The following NALF1 variants were observed in gnomAD, a reference collection of about 807,000 sequenced individuals.
The protein encoded by NALF1 is family with sequence similarity 155 member A.
A neutral mutation model predicts 48.4 loss-of-function variants in NALF1; 3 were observed. That is an observed-to-expected ratio of 0.06 (90% CI 0.03 to 0.16). The LOEUF is 0.16. Ranked by LOEUF, NALF1 falls within the 10% of genes least tolerant of loss-of-function variation. The pLI, the probability that NALF1 is intolerant of heterozygous loss-of-function variation, is 1.00. For missense variants in NALF1, 526 were observed against 571.5 expected, an observed-to-expected ratio of 0.92 and a Z score of 0.81; for synonymous variants, 262 against 245.7, an observed-to-expected ratio of 1.07 and a Z score of -0.62.
At chr13:107,738,327 T>A (rs1876525503) in intron 1 of NALF1, among the ~76,000 whole-genome samples, 1 of 152,202 alleles carries the variant, frequency 6.6e-6, no homozygotes, top group Non-Finnish European at 1.5e-5. Context: ...CACTTCCTGT[T>A]CTAAGTGGCA....
At chr13:107,305,843 A>C (rs1881926394) in intron 1 of NALF1, among the ~76,000 whole-genome samples, 1 of 152,232 alleles carries the variant, frequency 6.6e-6, no homozygotes, top group Admixed American at 6.5e-5. Flanking sequence ...CTGACTCTGG[A>C]GGTTGAGGAC....
chr13:107,665,748 G>A (rs549633684), intron 1 of NALF1, among the ~76,000 whole-genome samples: 10 of 151,742 alleles, frequency 6.6e-5, no homozygotes, highest in African/African-American at 1.7e-4. Context: ...AAGGGACACC[G>A]AATAATATGA....
chr13:107,473,204 CT>C (rs994688823), intron 1 of NALF1, among the ~76,000 whole-genome samples: 19 of 152,268 alleles, frequency 1.2e-4, no homozygotes, highest in African/African-American at 4.6e-4. Flanking sequence ...ACTGACTGAT[CT>C]TTTTCATGAG....
chr13:107,765,441 A>G (rs1032077695), intron 1 of NALF1, among the ~76,000 whole-genome samples: 2 of 152,206 alleles, frequency 1.3e-5, no homozygotes, highest in African/African-American at 2.4e-5. Context: ...ATAGAGTTAT[A>G]TAAGTAACAG....
intron 1 of NALF1, among the ~76,000 whole-genome samples, chr13:107,259,595 C>T (rs540086274): frequency 1.3e-5 from 2 of 152,246 alleles, no homozygotes; most frequent in African/African-American, 4.8e-5. Flanking sequence ...AGGGAATGAA[C>T]AAATCAGTAG....
intron 1 of NALF1, among the ~76,000 whole-genome samples, chr13:107,826,556 T>C (rs1323552503): frequency 6.6e-5 from 10 of 152,212 alleles, no homozygotes; most frequent in Admixed American, 6.5e-4. Flanking sequence ...TGAAAAGTTA[T>C]TTTTTAGAAA....
At chr13:107,847,993 C>A (rs995325931) in intron 1 of NALF1, among the ~76,000 whole-genome samples, 1 of 152,152 alleles carries the variant, frequency 6.6e-6, no homozygotes, top group Non-Finnish European at 1.5e-5. Flanking sequence ...TAATATTATT[C>A]CACTTTTGAA....
chr13:107,663,589 C>G (rs1451972945), intron 1 of NALF1, among the ~76,000 whole-genome samples: 1 of 152,044 alleles, frequency 6.6e-6, no homozygotes, highest in Non-Finnish European at 1.5e-5. Context: ...TATCTCATAC[C>G]ACAGTTAAAC....
At chr13:107,387,702 G>A (rs1240520789) in intron 1 of NALF1, among the ~76,000 whole-genome samples, 1 of 152,208 alleles carries the variant, frequency 6.6e-6, no homozygotes, top group Non-Finnish European at 1.5e-5. Flanking sequence ...GAGTCAGACT[G>A]CATGCAAGAG....
intron 2 of NALF1, among the ~76,000 whole-genome samples, chr13:107,201,781 A>G (rs1338003519): frequency 6.6e-6 from 1 of 152,128 alleles, no homozygotes; most frequent in East Asian, 1.9e-4. Context: ...AGACTAAAAC[A>G]TGGCAAATGT....
At chr13:107,176,737 GTAAGTAGAGATAAATACT>G (rs1878947179) in intron 2 of NALF1, among the ~76,000 whole-genome samples, 1 of 152,058 alleles carries the variant, frequency 6.6e-6, no homozygotes, top group African/African-American at 2.4e-5. Context: ...TACTCATGTT[GTAAGTAGAGATAAATACT>G]AAAATCAGAA....
intron 1 of NALF1, among the ~76,000 whole-genome samples, chr13:107,651,131 G>GT (rs5806673): frequency 0.68 from 102,592 of 151,984 alleles, 34,808 homozygotes; most frequent in East Asian, 0.79. Flanking sequence ...TTTGTTTAAT[G>GT]ATGAGATAAA....
intron 1 of NALF1, among the ~76,000 whole-genome samples, chr13:107,602,561 T>A (rs1594153960): frequency 6.6e-6 from 1 of 152,228 alleles, no homozygotes; most frequent in Non-Finnish European, 1.5e-5. Context: ...GGTATTTATA[T>A]CATGGTGACA....
chr13:107,342,658 G>A (rs997261384), intron 1 of NALF1, among the ~76,000 whole-genome samples: 28 of 152,136 alleles, frequency 1.8e-4, no homozygotes, highest in Admixed American at 1.8e-3. Flanking sequence ...GTGTACAATT[G>A]AAGTTAAGTT....
intron 1 of NALF1, among the ~76,000 whole-genome samples, chr13:107,856,015 T>TCC (rs4000621): frequency 0.81 from 122,820 of 151,786 alleles, 49,899 homozygotes; most frequent in Non-Finnish European, 0.84. Flanking sequence ...TCCAATGACT[T>TCC]CACCTCAGCC....
chr13:107,219,366 C>T (rs1879944434), intron 1 of NALF1, among the ~76,000 whole-genome samples: 1 of 152,128 alleles, frequency 6.6e-6, no homozygotes. Flanking sequence ...TCTAAAAAGG[C>T]AGCAAGTGAA....
chr13:107,657,338 C>T (rs1054055095), intron 1 of NALF1, among the ~76,000 whole-genome samples: 5 of 151,904 alleles, frequency 3.3e-5, no homozygotes, highest in Admixed American at 2.6e-4. Context: ...TACTTATTTC[C>T]CCCTAACCAG....
chr13:107,203,665 A>G (rs1879570874), intron 2 of NALF1, among the ~76,000 whole-genome samples: 1 of 152,128 alleles, frequency 6.6e-6, no homozygotes, highest in Non-Finnish European at 1.5e-5. Flanking sequence ...CTGGGCCCTC[A>G]GTGGTTCCCT....
At chr13:107,550,977 T>C (rs905892046) in intron 1 of NALF1, among the ~76,000 whole-genome samples, 1 of 152,146 alleles carries the variant, frequency 6.6e-6, no homozygotes, top group African/African-American at 2.4e-5. Flanking sequence ...TTGTTCTTCC[T>C]GTATAAAGTA....
Sources: gnomAD v4.1 joint callset for allele counts (sites outside exome capture counted in the v4.1 genomes callset) on GRCh38, gnomAD v4.1.1 for gene constraint, MANE v1.5 for transcripts, NCBI Gene and HGNC (gene_info 2026-07-23, HGNC 2026-07-21) for gene names.